Variants in ARHGEF28 observed in about 807,000 individuals in gnomAD.
The protein encoded by ARHGEF28 is Rho guanine nucleotide exchange factor 28, also known as 190 kDa guanine nucleotide exchange factor.
ARHGEF28 carries 152 observed loss-of-function variants against 206.6 expected under a neutral mutation model. That is an observed-to-expected ratio of 0.74 (90% CI 0.64 to 0.84). The LOEUF (loss-of-function observed/expected upper bound fraction) is 0.84. Ranked by LOEUF, ARHGEF28 falls within the 40% of genes least tolerant of loss-of-function variation. The pLI, the probability that ARHGEF28 is intolerant of heterozygous loss-of-function variation, is 0.00. For synonymous variants in ARHGEF28, 763 were observed against 776.4 expected, an observed-to-expected ratio of 0.98 and a Z score of 0.29; for missense variants, 2,028 against 2,073.2, an observed-to-expected ratio of 0.98 and a Z score of 0.42.
intron 12 of ARHGEF28, 33 bp from the exon 13 acceptor site, chr5:73,848,943 A>C: frequency 4.2e-6 from 6 of 1,445,374 alleles, no homozygotes; most frequent in Non-Finnish European, 5.7e-6. Context: ...ACCATGTATA[A>C]ATTTTTAAAC....
Position 73,931,045 on chromosome 5 carries a change from A to AT in ARHGEF28, c.4949-9793dup, listed in dbSNP as rs112581294. 2.5e-4 allele frequency among the ~76,000 whole-genome samples: 38 copies of AT among 152,032 alleles called. 1 individual carries two copies. Among genetic ancestry groups the AT allele is most frequent in the African/African-American group, 7.7e-4 (32 of 41,464 alleles). ...CTAAGAAAAAGTCTGATTAAAGGAAATTTTTTCCAGATTAGCTGAAATGTC... is the reference window on the plus strand; with the variant it reads ...CTAAGAAAAAGTCTGATTAAAGGAAATTTTTTTCCAGATTAGCTGAAATGTC... On this transcript the variant is annotated intron_variant, in intron 35 of 35. Coordinates refer to ENST00000513042, the MANE Select transcript of ARHGEF28 (RefSeq NM_001177693.2).
chr5:73,820,755 C>T (rs34017869), intron 9 of ARHGEF28, among the ~76,000 whole-genome samples: 1 of 152,162 alleles, frequency 6.6e-6, no homozygotes, highest in South Asian at 2.1e-4. Context: ...CAATTCAGGC[C>T]ACTTCGTGTT....
chr5:73,788,672 G>A (rs949454172), intron 7 of ARHGEF28, among the ~76,000 whole-genome samples: 1 of 152,166 alleles, frequency 6.6e-6, no homozygotes, highest in Non-Finnish European at 1.5e-5. Context: ...TGAGGAGCAG[G>A]AGGATTAGGA....
At chr5:73,705,871 C>A (rs1748900616) in intron 2 of ARHGEF28, among the ~76,000 whole-genome samples, 1 of 152,198 alleles carries the variant, frequency 6.6e-6, no homozygotes, top group Non-Finnish European at 1.5e-5. Context: ...AATGAAGTGA[C>A]TTATTGGTAG....
At chr5:73,898,693 C>T (rs1349025896) in intron 30 of ARHGEF28, 1 of 152,020 alleles carries the variant, frequency 6.6e-6, no homozygotes, top group African/African-American at 2.4e-5. Context: ...TTTATGAAAA[C>T]ATTGTTTCAA....
At chr5:73,840,421 C>T in intron 10 of ARHGEF28, 59 bp from the exon 11 acceptor site, 1 of 1,539,544 alleles carries the variant, frequency 6.5e-7, no homozygotes, top group East Asian at 2.3e-5. Context: ...TTTATTAATT[C>T]TTAGCTAGGC....
chr5:73,862,017 T>A (rs1189734460), intron 16 of ARHGEF28, among the ~76,000 whole-genome samples: 2 of 152,170 alleles, frequency 1.3e-5, no homozygotes, highest in Non-Finnish European at 2.9e-5. Context: ...TTAATATTCC[T>A]AATCTTAAAA....
chr5:73,896,921 G>A (rs72772594), intron 29 of ARHGEF28, among the ~76,000 whole-genome samples: 6,444 of 152,260 alleles, frequency 0.042, 154 homozygotes, highest in African/African-American at 0.068. Flanking sequence ...TGCGTGAGCC[G>A]CAGTTGGATA....
chr5:73,825,636 A>T (rs764720994), intron 9 of ARHGEF28, among the ~76,000 whole-genome samples: 1 of 152,224 alleles, frequency 6.6e-6, no homozygotes, highest in African/African-American at 2.4e-5. Context: ...CAGAGAGACT[A>T]CTGTTGTAAC....
At chr5:73,679,233 G>A (rs1262267564) in intron 1 of ARHGEF28, among the ~76,000 whole-genome samples, 1 of 152,056 alleles carries the variant, frequency 6.6e-6, no homozygotes, top group Non-Finnish European at 1.5e-5. Flanking sequence ...TGATTTTTTT[G>A]CAACAAAAGC....
intron 2 of ARHGEF28, among the ~76,000 whole-genome samples, chr5:73,713,964 G>T (rs1268263041): frequency 6.6e-6 from 1 of 152,192 alleles, no homozygotes; most frequent in Non-Finnish European, 1.5e-5. Flanking sequence ...CAGGGAAAAT[G>T]AAGGAAAGAA....
At chr5:73,845,806 G>T (rs756537557) in intron 11 of ARHGEF28, among the ~76,000 whole-genome samples, 44 of 151,828 alleles carry the variant, frequency 2.9e-4, no homozygotes, top group Non-Finnish European at 1.2e-4. Context: ...ACCAGCCTGG[G>T]CAACATGGCA....
At chr5:73,628,469 C>A (rs1311139815) in intron 1 of ARHGEF28, among the ~76,000 whole-genome samples, 2 of 113,544 alleles carry the variant, frequency 1.8e-5, no homozygotes, top group African/African-American at 5.8e-5. Context: ...GCCTAAATTA[C>A]CTAGGCTGAC....
intron 2 of ARHGEF28, among the ~76,000 whole-genome samples, chr5:73,732,232 C>T (rs1750664573): frequency 6.6e-6 from 1 of 152,132 alleles, no homozygotes; most frequent in African/African-American, 2.4e-5. Context: ...CCTCCCCCAC[C>T]TACCAACCCT....
intron 35 of ARHGEF28, among the ~76,000 whole-genome samples, chr5:73,933,921 T>G (rs973529996): frequency 7.4e-6 from 1 of 135,492 alleles, no homozygotes; most frequent in African/African-American, 3.0e-5. Context: ...CTCATAAATG[T>G]TTTTTTTTTT....
At position 73,730,328 on chromosome 5, in the gene ARHGEF28, C is replaced by T. The variant is rs555258474; in HGVS notation, c.34-19509C>T. On this transcript the variant is annotated intron_variant, in intron 2 of 35. Coordinates refer to ENST00000513042, the MANE Select transcript of ARHGEF28 (RefSeq NM_001177693.2). ...TTCTTCCCCTGTTAAGAGGTGCTCG[C>T]AAGGCTAGGAGAATGACTGGTGATG... Among the ~76,000 whole-genome samples, 4 of 152,218 alleles carry T rather than the reference C, an allele frequency of 2.6e-5. 1 individual carries two copies. In the South Asian group the frequency reaches 8.3e-4, roughly 32 times the overall value.
At chr5:73,705,497 T>G (rs529343761) in intron 2 of ARHGEF28, among the ~76,000 whole-genome samples, 1 of 152,360 alleles carries the variant, frequency 6.6e-6, no homozygotes, top group African/African-American at 2.4e-5. Flanking sequence ...TGGCACATAA[T>G]AAGCACTCAA....
chr5:73,679,643 T>A (rs1746942620), intron 1 of ARHGEF28, among the ~76,000 whole-genome samples: 1 of 152,164 alleles, frequency 6.6e-6, no homozygotes, highest in South Asian at 2.1e-4. Flanking sequence ...TGAAATACAT[T>A]TTCTCTTTCA....
chr5:73,852,136 C>G (rs1049192779), intron 13 of ARHGEF28, among the ~76,000 whole-genome samples: 11 of 152,172 alleles, frequency 7.2e-5, no homozygotes, highest in African/African-American at 2.7e-4. Context: ...ATGGTCCTCC[C>G]TTTCCCATGA....
Sources: gnomAD v4.1 joint callset for allele counts (sites outside exome capture counted in the v4.1 genomes callset) on GRCh38, gnomAD v4.1.1 for gene constraint, MANE v1.5 for transcripts, NCBI Gene and HGNC (gene_info 2026-07-23, HGNC 2026-07-21) for gene names.